STK3: variants seen among roughly 807,000 people sequenced by gnomAD.
STK3 encodes serine/threonine-protein kinase 3.
STK3 carries 41 observed loss-of-function variants against 58.0 expected under a neutral mutation model. The ratio of observed to expected loss-of-function variants is 0.71; its 90% CI spans 0.55 to 0.92. The LOEUF is 0.92. Ranked by LOEUF, STK3 falls within the 40% of genes least tolerant of loss-of-function variation. STK3 has a pLI of 0.00. For missense variants in STK3, 479 were observed against 602.7 expected (o/e 0.79, Z 2.15); for synonymous variants, 170 against 191.0 (o/e 0.89, Z 0.91).
At chr8:98,734,199 G>A (rs942451494) in intron 4 of STK3, among the ~76,000 whole-genome samples, 15 of 152,056 alleles carry the variant, frequency 9.9e-5, no homozygotes, top group African/African-American at 3.1e-4. Context: ...CGAACACTGG[G>A]GATTACAATT....
chr8:98,640,552 C>A (rs1010041236), intron 6 of STK3, among the ~76,000 whole-genome samples: 1 of 152,060 alleles, frequency 6.6e-6, no homozygotes, highest in African/African-American at 2.4e-5. Context: ...TACCATTCTT[C>A]TTATGAAAAT....
rs533561822 is a variant in STK3, at chr8:98,700,199, G to A, written c.684+6268C>T. On this transcript the variant is annotated intron_variant, in intron 6 of 10. Transcript: ENST00000419617. ...GCGGGATATAATCTCCTGGTGAGCC[G>A]TTTTTTAAGCCCCTCGGAAAAGCGC... 2.4e-4 allele frequency among the ~76,000 whole-genome samples: 36 copies of A among 152,308 alleles called. No individual in the cohort carries two copies. The South Asian group carries it at 4.6e-3, about 19-fold the overall frequency.
chr8:98,893,570 GAGGAAAGAA>G (rs560469226), intron 1 of STK3, among the ~76,000 whole-genome samples: 67 of 149,654 alleles, frequency 4.5e-4, no homozygotes, highest in Non-Finnish European at 6.5e-4. Context: ...GAGAGGGAGG[GAGGAAAGAA>G]AGGAAAGAAA....
chr8:98,608,695 C>A (rs1341991040), intron 6 of STK3, among the ~76,000 whole-genome samples: 1 of 152,078 alleles, frequency 6.6e-6, no homozygotes, highest in African/African-American at 2.4e-5. Context: ...ATGCCCTGGA[C>A]CACTAAAAAA....
At chr8:98,859,757 T>C (rs902725548) in intron 3 of STK3, among the ~76,000 whole-genome samples, 10 of 152,228 alleles carry the variant, frequency 6.6e-5, no homozygotes, top group African/African-American at 2.4e-4. Context: ...AAGGACAGAA[T>C]GTGTGTTGGC....
At chr8:98,853,741 A>G (rs1391443693) in intron 3 of STK3, among the ~76,000 whole-genome samples, 1 of 152,252 alleles carries the variant, frequency 6.6e-6, no homozygotes, top group Non-Finnish European at 1.5e-5. Context: ...AACCAAAAGA[A>G]AGATACAAAC....
In STK3 at chr8:98,661,472, T is replaced by A. The variant is rs182754843; in HGVS notation, c.684+44995A>T. Among the ~76,000 whole-genome samples the A allele has an allele frequency of 5.4e-3, 824 of 152,230 alleles. 7 individuals carry two copies. The highest frequency in any genetic ancestry group is 6.5e-3 in the Non-Finnish European group (442 of 67,970). On this transcript the variant is annotated intron_variant, in intron 6 of 10. Coordinates refer to ENST00000419617, the MANE Select transcript of STK3 (RefSeq NM_006281.4). Reference sequence around the variant, plus strand: ...GGGTATCATCATTTCTCCCCTGGATTATTGGCAGCCTCCTAATGGGTATTC... The same window carrying A: ...GGGTATCATCATTTCTCCCCTGGATAATTGGCAGCCTCCTAATGGGTATTC...
rs1810798900 is a variant in STK3 at position 98,547,496 on chromosome 8, T to C, written c.1141+473A>G. 2.0e-5 allele frequency among the ~76,000 whole-genome samples: 3 copies of C among 152,216 alleles called. No homozygotes were observed. In the South Asian group the frequency reaches 6.2e-4, roughly 31 times the overall value. Reference sequence around the variant, plus strand: ...TATTCATGCAACTGAATCTTCTGTATGAGCATCCCTGTCTCTTAATCCTTC... The same window carrying C: ...TATTCATGCAACTGAATCTTCTGTACGAGCATCCCTGTCTCTTAATCCTTC... On this transcript the variant is annotated intron_variant, in intron 9 of 10. Transcript: ENST00000419617.
chr8:98,354,442 A>G, the STK3 span, among the ~76,000 whole-genome samples: 1 of 152,194 alleles, frequency 6.6e-6, no homozygotes, highest in African/African-American at 2.4e-5. Flanking sequence ...ATCTTAGAAC[A>G]TGAGAATGAG....
At chr8:98,460,628 A>G (rs1376260649) in intron 10 of STK3, among the ~76,000 whole-genome samples, 1 of 152,172 alleles carries the variant, frequency 6.6e-6, no homozygotes, top group Non-Finnish European at 1.5e-5. Context: ...TGTAATCCCC[A>G]TGTGTCTAGA....
the STK3 span, among the ~76,000 whole-genome samples, chr8:98,364,560 G>C: frequency 6.6e-6 from 1 of 152,352 alleles, no homozygotes; most frequent in East Asian, 1.9e-4. Flanking sequence ...CCCAGCATGC[G>C]CCTCTCTCCC....
At chr8:98,377,958 A>G (rs528152596) in intron 2 of STK3, among the ~76,000 whole-genome samples, 8 of 152,292 alleles carry the variant, frequency 5.3e-5, no homozygotes, top group East Asian at 1.9e-4. Context: ...ATGCAGGGAC[A>G]TAAGAGTAGA....
chr8:98,478,134 A>T (rs1821524860), intron 10 of STK3, among the ~76,000 whole-genome samples: 1 of 152,216 alleles, frequency 6.6e-6, no homozygotes, highest in Non-Finnish European at 1.5e-5. Flanking sequence ...TGTAGCGGAA[A>T]TTTGAGAGTG....
chr8:98,792,766 ACC>A, intron 1 of STK3, among the ~76,000 whole-genome samples: 1 of 152,174 alleles, frequency 6.6e-6, no homozygotes, highest in East Asian at 1.9e-4. Context: ...CTGGGTATCT[ACC>A]CAGAGGAAAA....
intron 10 of STK3, among the ~76,000 whole-genome samples, chr8:98,464,123 C>T (rs1172910815): frequency 6.6e-6 from 1 of 152,072 alleles, no homozygotes; most frequent in Non-Finnish European, 1.5e-5. Flanking sequence ...TATCCTGACT[C>T]ATCTATTTTC....
At chr8:98,869,444 A>T (rs1389233805) in intron 3 of STK3, among the ~76,000 whole-genome samples, 1 of 152,160 alleles carries the variant, frequency 6.6e-6, no homozygotes, top group Non-Finnish European at 1.5e-5. Context: ...ATAAAATAAA[A>T]TAATAAAGAA....
intron 6 of STK3, among the ~76,000 whole-genome samples, chr8:98,669,286 C>A (rs1048971393): frequency 2.6e-5 from 4 of 152,066 alleles, no homozygotes; most frequent in Non-Finnish European, 5.9e-5. Flanking sequence ...TGAGCCACTG[C>A]GCCCGGCCCA....
At chr8:98,437,382 C>T (rs1239407100) in intron 1 of STK3, 1 of 152,268 alleles carries the variant, frequency 6.6e-6, no homozygotes, top group Non-Finnish European at 1.5e-5. Context: ...ATGACCGAGC[C>T]TGTGCCCTAG....
intron 6 of STK3, among the ~76,000 whole-genome samples, chr8:98,696,373 G>A (rs895459388): frequency 2.0e-4 from 30 of 151,368 alleles, no homozygotes; most frequent in South Asian, 8.4e-4. Flanking sequence ...AATTGCCCTG[G>A]CCAGAACTTC....
Sources: allele counts gnomAD v4.1 joint callset (sites outside exome capture counted in the v4.1 genomes callset), GRCh38; gene constraint gnomAD v4.1.1; transcripts MANE v1.5; gene names NCBI Gene and HGNC (gene_info 2026-07-23, HGNC 2026-07-21).